XRCC4: variants seen among roughly 807,000 people sequenced by gnomAD.
The protein encoded by XRCC4 is DNA repair protein XRCC4.
A neutral mutation model predicts 39.1 loss-of-function variants in XRCC4; 28 were observed. That is an observed-to-expected ratio of 0.72 (90% CI 0.53 to 0.98). The LOEUF (loss-of-function observed/expected upper bound fraction) is 0.98. Among genes scored for constraint, XRCC4 ranks in the 50% least tolerant of loss-of-function variants. The pLI, the probability that XRCC4 is intolerant of heterozygous loss-of-function variation, is 0.00. For missense variants in XRCC4, 350 were observed against 376.4 expected (o/e 0.93, Z 0.58); for synonymous variants, 123 against 126.4 (o/e 0.97, Z 0.18).
intron 6 of XRCC4, among the ~76,000 whole-genome samples, chr5:83,256,755 A>G (rs1753556811): frequency 6.6e-6 from 1 of 152,132 alleles, no homozygotes; most frequent in South Asian, 2.1e-4. Context: ...CTATGCTTTG[A>G]TGGGCTTTCA....
At chr5:83,256,535 T>TA (rs1753546197) in intron 6 of XRCC4, among the ~76,000 whole-genome samples, 1 of 152,132 alleles carries the variant, frequency 6.6e-6, no homozygotes, top group Non-Finnish European at 1.5e-5. Context: ...CCTCTACCTC[T>TA]AACAGTTTTG....
At chr5:83,189,347 TA>T (rs1750593306) in intron 3 of XRCC4, among the ~76,000 whole-genome samples, 1 of 152,144 alleles carries the variant, frequency 6.6e-6, no homozygotes, top group African/African-American at 2.4e-5. Flanking sequence ...TATTAAGACC[TA>T]AATAAGAATT....
intron 4 of XRCC4, among the ~76,000 whole-genome samples, chr5:83,203,169 G>T (rs1472603118): frequency 3.9e-5 from 6 of 152,032 alleles, no homozygotes; most frequent in Non-Finnish European, 5.9e-5. Context: ...AAATAAGATT[G>T]TAGTTGCTTT....
intron 2 of XRCC4, among the ~76,000 whole-genome samples, chr5:83,110,783 CAG>C (rs2112398637): frequency 6.6e-6 from 1 of 152,122 alleles, no homozygotes; most frequent in African/African-American, 2.4e-5. Flanking sequence ...CATCTGAAGA[CAG>C]AGAAAGAATG....
intron 3 of XRCC4, 115 bp from the exon 4 acceptor site, chr5:83,195,655 G>C: frequency 2.0e-6 from 2 of 1,009,772 alleles, no homozygotes; most frequent in Middle Eastern, 3.0e-4. Context: ...TAAATGCATT[G>C]TATTTAAATC....
At chr5:83,106,373 T>C (rs1351841740) in intron 2 of XRCC4, among the ~76,000 whole-genome samples, 2 of 152,114 alleles carry the variant, frequency 1.3e-5, no homozygotes, top group Non-Finnish European at 2.9e-5. Context: ...TAAGGAATAC[T>C]GTATTTATAA....
intron 3 of XRCC4, among the ~76,000 whole-genome samples, chr5:83,145,119 T>G (rs997820236): frequency 2.0e-5 from 3 of 152,144 alleles, no homozygotes; most frequent in African/African-American, 7.2e-5. Flanking sequence ...ATGGTCTCCA[T>G]CTCCTGACCT....
intron 3 of XRCC4, among the ~76,000 whole-genome samples, chr5:83,140,057 A>G (rs1748092405): frequency 6.6e-6 from 1 of 152,144 alleles, no homozygotes; most frequent in Non-Finnish European, 1.5e-5. Context: ...CAATATGTTC[A>G]CTTATTTTCT....
chr5:83,219,807 G>A (rs1394743106), intron 6 of XRCC4, among the ~76,000 whole-genome samples: 1 of 152,064 alleles, frequency 6.6e-6, no homozygotes, highest in East Asian at 1.9e-4. Flanking sequence ...TGTATTTTGA[G>A]TATATTTAGT....
At chr5:83,320,463 T>G (rs59238043) in intron 7 of XRCC4, among the ~76,000 whole-genome samples, 2,409 of 151,894 alleles carry the variant, frequency 0.016, 71 homozygotes, top group African/African-American at 0.055. Flanking sequence ...AAAAGGGATT[T>G]ATAATATCCA....
intron 7 of XRCC4, among the ~76,000 whole-genome samples, chr5:83,299,505 C>T (rs1301710771): frequency 1.3e-5 from 2 of 152,014 alleles, no homozygotes; most frequent in East Asian, 1.9e-4. Context: ...TCTCTCTGTC[C>T]CTTCCTTTGT....
intron 3 of XRCC4, among the ~76,000 whole-genome samples, chr5:83,138,291 A>G (rs1266628916): frequency 6.6e-6 from 1 of 152,182 alleles, no homozygotes; most frequent in Non-Finnish European, 1.5e-5. Context: ...ACTATAAATA[A>G]CATCATTTTA....
rs141122119 is a variant in XRCC4, at chr5:83,258,556, A to G, written c.772A>G (p.Ile258Val). Residue 258 changes from isoleucine to valine, a missense_variant, in exon 7 of 8, where the codon ATT becomes GTT. Transcript: ENST00000396027. The stretch of plus-strand genomic sequence containing the variant: ...TGCTGTAAGTAAAGATGATTCCATT[A>G]TTTCAAGTCTTGATGTCACTGATAT... ...SAAVSKDDSI[I>V]SSLDVTDIAP... 576 of 1,606,890 alleles carry G rather than the reference A, an allele frequency of 3.6e-4. No individual in the cohort carries two copies. Among genetic ancestry groups the G allele is most frequent in the Non-Finnish European group, 4.6e-4 (544 of 1,178,164 alleles).
chr5:83,130,104 T>C (rs1276116059), intron 3 of XRCC4, among the ~76,000 whole-genome samples: 1 of 152,166 alleles, frequency 6.6e-6, no homozygotes, highest in Non-Finnish European at 1.5e-5. Flanking sequence ...GGCTGTGGGT[T>C]TGTTGTGAAT....
At chr5:83,258,715 A>AT (rs1561437808) in intron 7 of XRCC4, 38 bp downstream of exon 7, 8 of 1,591,680 alleles carry the variant, frequency 5.0e-6, no homozygotes, top group Non-Finnish European at 6.8e-6. Context: ...GTGAGATGAC[A>AT]TTTTTGAAAA....
In XRCC4 at chr5:83,303,144, C is replaced by T. The variant is rs1407869198; in HGVS notation, c.893+44467C>T. On this transcript the variant is annotated intron_variant, in intron 7 of 7. Transcript: ENST00000396027. ...AGGGGAATTGTTTGAACCTGGGAGG[C>T]GGAGGTTGCAGTGAGCCAAGATGGT... Among the ~76,000 whole-genome samples the T allele has an allele frequency of 9.3e-5, 13 of 140,512 alleles. No individual in the cohort carries two copies. The East Asian group carries it at 1.1e-3, about 12-fold the overall frequency. 92.2% of individuals were successfully genotyped at this position (140,512 alleles called of 152,430 possible). A position where few individuals can be genotyped will look rare whatever the true frequency, so the allele number is the denominator to read the frequency against.
chr5:83,347,127 G>T (rs1756939553), intron 7 of XRCC4, among the ~76,000 whole-genome samples: 1 of 152,038 alleles, frequency 6.6e-6, no homozygotes, highest in African/African-American at 2.4e-5. Context: ...TAAAATCAAT[G>T]ATGAATGTAG....
At chr5:83,234,577 G>C (rs1580404491) in intron 6 of XRCC4, among the ~76,000 whole-genome samples, 1 of 152,144 alleles carries the variant, frequency 6.6e-6, no homozygotes, top group Non-Finnish European at 1.5e-5. Flanking sequence ...TCTGATTTTT[G>C]AGAGGTCCTA....
intron 7 of XRCC4, among the ~76,000 whole-genome samples, chr5:83,349,484 C>T (rs1438594139): frequency 6.6e-6 from 1 of 152,170 alleles, no homozygotes; most frequent in Non-Finnish European, 1.5e-5. Context: ...TCAATGATCT[C>T]CATTCGGGAC....
Sources: gnomAD v4.1 joint callset for allele counts (sites outside exome capture counted in the v4.1 genomes callset) on GRCh38, gnomAD v4.1.1 for gene constraint, MANE v1.5 for transcripts, NCBI Gene and HGNC (gene_info 2026-07-23, HGNC 2026-07-21) for gene names.